Variants in RECQL5 observed in about 807,000 individuals in gnomAD.
The protein encoded by RECQL5 is RecQ like helicase 5.
RECQL5 carries 88 observed loss-of-function variants against 103.4 expected under a neutral mutation model. That is an observed-to-expected ratio of 0.85 (90% confidence interval 0.72 to 1.02). The LOEUF (loss-of-function observed/expected upper bound fraction) is 1.02. Ranked by LOEUF, RECQL5 falls within the 50% of genes least tolerant of loss-of-function variation. The pLI is 0.00. For synonymous variants in RECQL5, 552 were observed against 507.9 expected (o/e 1.09, Z -1.17); for missense variants, 1,232 against 1,284.3 (o/e 0.96, Z 0.62).
chr17:75,664,718 G>A (rs1312771220), intron 3 of RECQL5, among the ~76,000 whole-genome samples: 2 of 151,918 alleles, frequency 1.3e-5, no homozygotes, highest in East Asian at 3.9e-4. Flanking sequence ...TTTGAGACCA[G>A]CCTGGCCAAC....
At chr17:75,632,967 G>A (rs1050976288) in intron 8 of RECQL5, among the ~76,000 whole-genome samples, 39 of 152,246 alleles carry the variant, frequency 2.6e-4, no homozygotes, top group African/African-American at 7.0e-4. Context: ...ACCCCAAGGC[G>A]CAGGCTCAAG....
At position 75,665,146 on chromosome 17, in the gene RECQL5, G is replaced by C. The variant is rs267605049; in HGVS notation, c.157C>G (p.Pro53Ala). ...KGNKDVFVCM[P>A]TGAGKSLCYQ... is the part of the protein sequence containing the mutation. ...CATAGGGATTTTCCTGCCCCTGTGGGCATGCACACAAAGACGTCCTTGTTA... is the reference window on the plus strand; with the variant it reads ...CATAGGGATTTTCCTGCCCCTGTGGCCATGCACACAAAGACGTCCTTGTTA... Residue 53 changes from proline (P) to alanine (A), a missense_variant, in exon 3 of 20, where the codon CCC becomes GCC. Coordinates refer to ENST00000317905, the MANE Select transcript of RECQL5 (RefSeq NM_004259.7). The C allele has an allele frequency of 6.2e-7, 1 of 1,611,138 alleles. No individual in the cohort carries two copies. The highest frequency in any genetic ancestry group is 1.1e-5 in the South Asian group (1 of 90,396).
At chr17:75,628,190 G>A (rs1281769554) in intron 18 of RECQL5, 28 bp downstream of exon 18, 1 of 1,581,196 alleles carries the variant, frequency 6.3e-7, no homozygotes, top group Admixed American at 1.7e-5. Context: ...AGGCATGGGA[G>A]AAGGCAGAGC....
chr17:75,656,466 GTT>G (rs987865961), intron 7 of RECQL5, among the ~76,000 whole-genome samples: 2 of 148,904 alleles, frequency 1.3e-5, no homozygotes, highest in African/African-American at 4.9e-5. Flanking sequence ...TGTAAATTAA[GTT>G]TTTTTTTTGT....
chr17:75,631,331 T>G (rs2059209149), intron 9 of RECQL5, 82 bp from the exon 10 acceptor site: 1 of 1,542,884 alleles, frequency 6.5e-7, no homozygotes, highest in Admixed American at 1.7e-5. Flanking sequence ...GCAATGTCCC[T>G]GATGTCCTAC....
intron 9 of RECQL5, 96 bp from the exon 10 acceptor site, chr17:75,631,345 C>T: frequency 6.5e-7 from 1 of 1,533,614 alleles, no homozygotes; most frequent in East Asian, 2.3e-5. Flanking sequence ...GTCCTACCAG[C>T]TCAAGGGGGG....
Position 75,627,335 on chromosome 17 carries a change from G to T in RECQL5, c.*87C>A. ...GAAAGGAGAAGGACTGAGAAAAGAC[G>T]ATGGCCCTGGCATCAGCAGGTGAGG... On this transcript the variant is annotated 3_prime_UTR_variant, in exon 20 of 20. Coordinates refer to ENST00000317905, the MANE Select transcript of RECQL5 (RefSeq NM_004259.7). The T allele has an allele frequency of 1.0e-6, 1 of 1,001,892 alleles. No individual in the cohort carries two copies. Among genetic ancestry groups the T allele is most frequent in the Non-Finnish European group, 1.6e-6 (1 of 637,886 alleles). The allele number at this position is 1,001,892 out of a possible 1,614,324, so 62.1% of individuals were successfully genotyped here. A position where few individuals can be genotyped will look rare whatever the true frequency, so the allele number is the denominator to read the frequency against.
intron 7 of RECQL5, among the ~76,000 whole-genome samples, chr17:75,655,335 T>C (rs987097122): frequency 6.6e-6 from 1 of 151,702 alleles, no homozygotes; most frequent in African/African-American, 2.4e-5. Flanking sequence ...CCTCCCAAAG[T>C]GCTGGGATTA....
At chr17:75,659,497 C>T (rs924487963) in intron 6 of RECQL5, among the ~76,000 whole-genome samples, 4 of 152,164 alleles carry the variant, frequency 2.6e-5, no homozygotes, top group Non-Finnish European at 5.9e-5. Context: ...TCCAGGACTA[C>T]AGGCACATGC....
chr17:75,635,888 G>A (rs745567807), intron 8 of RECQL5: 58 of 984,762 alleles, frequency 5.9e-5, no homozygotes, highest in Non-Finnish European at 6.9e-5. Context: ...TCTGCGAGGA[G>A]GAAACAGGGA....
In RECQL5 at chr17:75,640,827, G is replaced by C. The variant is rs2059422963; in HGVS notation, c.1230-9159C>G. On this transcript the variant is annotated intron_variant, in intron 8 of 19. Transcript: ENST00000317905. This position sits in a 1 kb window ranked among gnomAD's most constrained non-coding sequence, Gnocchi z 4.6. ...CTGTTGCTGCTGATAGCCTGCAGCT[G>C]CTGCTGCACTCACTGCTGCTGCCCT... 1 of 1,549,950 alleles carries C rather than the reference G, an allele frequency of 6.5e-7. No individual in the cohort carries two copies. The highest frequency in any genetic ancestry group is 2.0e-5 in the Admixed American group (1 of 50,984).
chr17:75,660,700 T>C (rs989164119), intron 6 of RECQL5, among the ~76,000 whole-genome samples: 19 of 152,206 alleles, frequency 1.2e-4, no homozygotes, highest in Non-Finnish European at 2.9e-5. Flanking sequence ...AACAGGACTA[T>C]GTTAAAGGAC....
chr17:75,627,300 A>C lies in RECQL5; in HGVS notation c.*122T>G. ...GTGTCTGGGGTCATCCCCAAAGCCA[A>C]GTATGGTTGGAAAGGAGAAGGACTG... On this transcript the variant is annotated 3_prime_UTR_variant, in exon 20 of 20. Transcript: ENST00000317905. 1 of 811,812 alleles carries C rather than the reference A, an allele frequency of 1.2e-6. No homozygotes were observed. Among genetic ancestry groups the C allele is most frequent in the Non-Finnish European group, 2.1e-6 (1 of 477,514 alleles). 50.3% of individuals were successfully genotyped at this position (811,812 alleles called of 1,614,324 possible). A position where few individuals can be genotyped will look rare whatever the true frequency, so the allele number is the denominator to read the frequency against.
chr17:75,640,851 C>A lies in RECQL5; in HGVS notation c.1230-9183G>T. 1 of 1,549,110 alleles carries A rather than the reference C, an allele frequency of 6.5e-7. No individual in the cohort carries two copies. ...TGCTGCTGCACTCACTGCTGCTGCC[C>A]TGAGCGGAGAGGCAGGAAGGTCCAG... is the stretch of plus-strand genomic sequence containing the variant. On this transcript the variant is annotated intron_variant, in intron 8 of 19. Transcript: ENST00000317905. The surrounding 1 kb of genome is among the most constrained non-coding windows in gnomAD (Gnocchi z 4.6).
At chr17:75,651,389 A>G (rs1160896243) in intron 7 of RECQL5, 124 bp from the exon 8 acceptor site, 3 of 1,062,074 alleles carry the variant, frequency 2.8e-6, no homozygotes, top group African/African-American at 3.1e-5. Flanking sequence ...TGGGAGGCTG[A>G]GCCAGGAGGA....
chr17:75,633,759 C>A, intron 8 of RECQL5: 1 of 1,036,056 alleles, frequency 9.7e-7, no homozygotes, highest in Non-Finnish European at 1.2e-6. Flanking sequence ...CTCCCCTCCA[C>A]AGGCTCAGGT....
chr17:75,659,308 C>T (rs2059668724), intron 6 of RECQL5, among the ~76,000 whole-genome samples: 1 of 152,182 alleles, frequency 6.6e-6, no homozygotes, highest in African/African-American at 2.4e-5. Flanking sequence ...GATCCGCCTG[C>T]CTCGGCCTCC....
chr17:75,650,144 A>T, intron 8 of RECQL5: 1 of 986,274 alleles, frequency 1.0e-6, no homozygotes, highest in Non-Finnish European at 1.2e-6. Flanking sequence ...CAAATTTAGC[A>T]ACTCCCATAT....
chr17:75,657,919 G>GCC (rs2059647404), intron 7 of RECQL5, among the ~76,000 whole-genome samples: 2 of 152,086 alleles, frequency 1.3e-5, no homozygotes, highest in South Asian at 2.1e-4. Context: ...ATGGTGGCAT[G>GCC]CACCTGTAAT....
Sources: allele counts gnomAD v4.1 joint callset (sites outside exome capture counted in the v4.1 genomes callset), GRCh38; gene constraint gnomAD v4.1.1; non-coding constraint Gnocchi (gnomAD v3.1); transcripts MANE v1.5; gene names NCBI Gene and HGNC (gene_info 2026-07-23, HGNC 2026-07-21).